CELF2: variants seen among roughly 807,000 people sequenced by gnomAD.
CELF2 encodes CUG triplet repeat RNA-binding protein 2.
In CELF2, 8 loss-of-function variants were observed where a neutral mutation model predicts 62.6. That is an observed-to-expected ratio of 0.13 (90% CI 0.07 to 0.23). The LOEUF is 0.23. CELF2 is among the 10% of genes least tolerant of loss of function. CELF2 has a pLI of 1.00. For synonymous variants in CELF2, 258 were observed against 250.0 expected, an observed-to-expected ratio of 1.03 and a Z score of -0.30; for missense variants, 333 against 671.0, an observed-to-expected ratio of 0.50 and a Z score of 5.56.
intron 1 of CELF2, among the ~76,000 whole-genome samples, chr10:10,907,317 A>T (rs867662224): frequency 1.3e-5 from 2 of 152,230 alleles, no homozygotes; most frequent in Non-Finnish European, 2.9e-5. Flanking sequence ...GACAGTTAAA[A>T]TGAAAATTGT....
chr10:11,223,939 C>T lies in CELF2; in HGVS notation c.354+6432C>T, dbSNP rs1481201711. Among the ~76,000 whole-genome samples, 1 of 152,224 alleles carries T rather than the reference C, an allele frequency of 6.6e-6. No individual in the cohort carries two copies. The highest frequency in any genetic ancestry group is 1.9e-4 in the East Asian group (1 of 5,202). On this transcript the variant is annotated intron_variant, in intron 3 of 12. Coordinates refer to ENST00000633077, the MANE Select transcript of CELF2 (RefSeq NM_001326342.2). The surrounding 1 kb of genome is among the most constrained non-coding windows in gnomAD (Gnocchi z 5.1). ...CCCGCCATAAAGTTTTACACACTAC[C>T]TGAATAGCAGGTTGTTTTGGTTTTG...
At chr10:11,173,742 G>A (rs1250801004) in intron 2 of CELF2, among the ~76,000 whole-genome samples, 1 of 152,068 alleles carries the variant, frequency 6.6e-6, no homozygotes, top group Non-Finnish European at 1.5e-5. Flanking sequence ...AACCTTTTAC[G>A]AGAACAGCTC....
chr10:10,863,418 C>G (rs769861927), intron 1 of CELF2, among the ~76,000 whole-genome samples: 2 of 152,122 alleles, frequency 1.3e-5, no homozygotes, highest in Non-Finnish European at 2.9e-5. Flanking sequence ...AAAACATTGA[C>G]ATTTCAAGTT....
At chr10:11,258,820 G>A (rs376243481) in intron 5 of CELF2, among the ~76,000 whole-genome samples, 2 of 152,244 alleles carry the variant, frequency 1.3e-5, no homozygotes, top group African/African-American at 4.8e-5. Flanking sequence ...CCGAGGAGCT[G>A]GGACGACAGG....
the CELF2 span, among the ~76,000 whole-genome samples, chr10:10,616,292 T>TGGGG: frequency 3.7e-3 from 532 of 145,184 alleles, 1 homozygote; most frequent in Non-Finnish European, 5.7e-3. Flanking sequence ...AGGTTTTGTT[T>TGGGG]GGGGTGTGTG....
chr10:10,475,812 C>A, the CELF2 span, among the ~76,000 whole-genome samples: 106 of 152,198 alleles, frequency 7.0e-4, no homozygotes, highest in Non-Finnish European at 1.4e-3. Context: ...CAATTGTGAG[C>A]AATTAAGATC....
intron 2 of CELF2, among the ~76,000 whole-genome samples, chr10:11,190,195 G>A (rs891484887): frequency 3.9e-5 from 6 of 152,132 alleles, no homozygotes; most frequent in Admixed American, 3.9e-4. Context: ...CAGGATTCAC[G>A]TCTCATTTAC....
At chr10:10,764,761 C>T in the CELF2 span, among the ~76,000 whole-genome samples, 100 of 152,250 alleles carry the variant, frequency 6.6e-4, 2 homozygotes, top group African/African-American at 2.2e-3. Flanking sequence ...CTGGAAGTAA[C>T]AGAGTGAAGA....
At position 11,217,291 on chromosome 10, in the gene CELF2, T is replaced by C. The variant is rs555348957; in HGVS notation, c.272-134T>C. The C allele has an allele frequency of 1.4e-4, 80 of 571,798 alleles. 1 individual carries two copies. The South Asian group carries it at 1.7e-3, about 12-fold the overall frequency. 35.4% of individuals were successfully genotyped at this position (571,798 alleles called of 1,614,324 possible). ...TGTGTAAATGCTTGAGATGTTGTTA[T>C]TGCTGTTCTCATATGCTTTATTATT... On this transcript the variant is annotated intron_variant, in intron 2 of 12. Transcript: ENST00000633077. This position sits in a 1 kb window ranked among gnomAD's most constrained non-coding sequence, Gnocchi z 5.6.
intron 2 of CELF2, among the ~76,000 whole-genome samples, chr10:11,204,649 C>A (rs1279066362): frequency 1.3e-5 from 2 of 152,222 alleles, no homozygotes; most frequent in African/African-American, 4.8e-5. Context: ...CACAGTCAGA[C>A]GGCAGTGATC....
At chr10:11,277,288 C>A (rs2086501291) in intron 8 of CELF2, among the ~76,000 whole-genome samples, 1 of 152,208 alleles carries the variant, frequency 6.6e-6, no homozygotes, top group Non-Finnish European at 1.5e-5. Context: ...TCAATCTGTG[C>A]ACATGTTATG....
intron 1 of CELF2, among the ~76,000 whole-genome samples, chr10:11,113,313 GCAT>G (rs576373235): frequency 2.0e-4 from 30 of 152,264 alleles, no homozygotes; most frequent in Admixed American, 3.9e-4. Flanking sequence ...ACCGAGGATA[GCAT>G]CATCAGCATC....
chr10:11,136,042 G>A (rs7086103), intron 1 of CELF2, among the ~76,000 whole-genome samples: 1,789 of 152,278 alleles, frequency 0.012, 31 homozygotes, highest in African/African-American at 0.041. Context: ...GCTAGATGGT[G>A]GGAATATAGG....
chr10:10,523,065 G>A, the CELF2 span, among the ~76,000 whole-genome samples: 1 of 152,198 alleles, frequency 6.6e-6, no homozygotes. Flanking sequence ...GACTTGGGCA[G>A]AATGGAGCCC....
chr10:10,504,272 T>A, the CELF2 span, among the ~76,000 whole-genome samples: 2 of 152,072 alleles, frequency 1.3e-5, no homozygotes, highest in South Asian at 4.1e-4. Flanking sequence ...ATGTGACAAA[T>A]TCTCTTAGTT....
At chr10:11,035,953 A>AAGCAATGT (rs2060880929) in intron 1 of CELF2, among the ~76,000 whole-genome samples, 1 of 152,228 alleles carries the variant, frequency 6.6e-6, no homozygotes. Context: ...CCAACAAGCA[A>AAGCAATGT]AGCAATGTTT....
the CELF2 span, among the ~76,000 whole-genome samples, chr10:10,486,493 A>T: frequency 6.6e-6 from 1 of 152,204 alleles, no homozygotes; most frequent in East Asian, 1.9e-4. Flanking sequence ...ACTATTCATT[A>T]TACAGCAGGT....
At chr10:11,085,566 A>G (rs2076967648) in intron 1 of CELF2, among the ~76,000 whole-genome samples, 1 of 152,108 alleles carries the variant, frequency 6.6e-6, no homozygotes, top group Admixed American at 6.5e-5. Flanking sequence ...TGACCTTGTT[A>G]TTGGTACTGC....
chr10:10,675,169 A>T, the CELF2 span, among the ~76,000 whole-genome samples: 3 of 152,196 alleles, frequency 2.0e-5, no homozygotes, highest in Non-Finnish European at 4.4e-5. Flanking sequence ...TGCAAGACAG[A>T]TCTACTAGCA....
Sources: gnomAD v4.1 joint callset for allele counts (sites outside exome capture counted in the v4.1 genomes callset) on GRCh38, gnomAD v4.1.1 for gene constraint, Gnocchi (gnomAD v3.1) non-coding constraint, MANE v1.5 for transcripts, NCBI Gene and HGNC (gene_info 2026-07-23, HGNC 2026-07-21) for gene names.